RAD21L1: variants seen among roughly 807,000 people sequenced by gnomAD.
RAD21L1 encodes double-strand-break repair protein rad21-like protein 1.
In RAD21L1, 47 loss-of-function variants were observed where a neutral mutation model predicts 69.0. The observed-to-expected ratio is 0.68, with a 90% confidence interval of 0.54 to 0.87. The LOEUF (loss-of-function observed/expected upper bound fraction) is 0.87, where lower values mean the gene tolerates loss of function less well. RAD21L1 is among the 40% of genes least tolerant of loss of function. The pLI, the probability that RAD21L1 is intolerant of heterozygous loss-of-function variation, is 0.00. For missense variants in RAD21L1, 583 were observed against 647.6 expected, an observed-to-expected ratio of 0.90 and a Z score of 1.08; for synonymous variants, 177 against 205.8, an observed-to-expected ratio of 0.86 and a Z score of 1.20.
chr20:1,229,518 A>G (rs1196502004), intron 2 of RAD21L1, among the ~76,000 whole-genome samples: 2 of 152,224 alleles, frequency 1.3e-5, no homozygotes, highest in African/African-American at 4.8e-5. Context: ...CCGTCTCCAA[A>G]AAAACAATAA....
chr20:1,245,073 G>A (rs1318870925), intron 11 of RAD21L1, among the ~76,000 whole-genome samples: 1 of 152,106 alleles, frequency 6.6e-6, no homozygotes, highest in Non-Finnish European at 1.5e-5. Context: ...TTTTTTGGAA[G>A]GAAAATACAA....
At chr20:1,228,366 T>G in intron 1 of RAD21L1, 56 bp from the exon 2 acceptor site, 1 of 829,592 alleles carries the variant, frequency 1.2e-6, no homozygotes, top group Non-Finnish European at 1.7e-6. Context: ...ATTTTTCTTA[T>G]AGCAATAAAA....
In RAD21L1 at chr20:1,254,507, A is replaced by C. The variant is rs774453952; in HGVS notation, c.*50A>C. On this transcript the variant is annotated 3_prime_UTR_variant, in exon 14 of 14. Coordinates refer to ENST00000683101, the MANE Select transcript of RAD21L1 (RefSeq NM_001384355.1). Reference sequence around the variant, plus strand: ...TGGCATCACTGGAATTTCTGTGTAGATTGTTCAATTTAATGCAGAAGCCAT... The same window carrying C: ...TGGCATCACTGGAATTTCTGTGTAGCTTGTTCAATTTAATGCAGAAGCCAT... The C allele has an allele frequency of 3.7e-6, 5 of 1,341,648 alleles. No homozygotes were observed. Among genetic ancestry groups the C allele is most frequent in the Non-Finnish European group, 5.0e-6 (5 of 1,003,196 alleles). The allele number at this position is 1,341,648 out of a possible 1,614,324, so 83.1% of individuals were successfully genotyped here.
Position 1,228,503 on chromosome 20 carries a change from T to C in RAD21L1, c.50T>C (p.Ile17Thr). The C allele has an allele frequency of 2.6e-6, 4 of 1,550,266 alleles. No homozygotes were observed. The highest frequency in any genetic ancestry group is 2.4e-5 in the South Asian group (2 of 83,910). The change falls in exon 2 of 14, where the codon ATA becomes ACA. Residue 17 changes from isoleucine (I) to threonine (T), a missense_variant. Transcript: ENST00000683101. ...LMSKRGPLAK[I>T]WLAAHWEKKL... ...AGTAAACGAGGGCCATTGGCCAAAA[T>C]ATGGCTTGCAGCTCACTGGGAGAAG...
intron 1 of RAD21L1, among the ~76,000 whole-genome samples, chr20:1,227,190 C>T (rs1399188037): frequency 1.3e-5 from 2 of 152,232 alleles, no homozygotes; most frequent in African/African-American, 4.8e-5. Flanking sequence ...GGATTACAGG[C>T]GTGAGCCACT....
chr20:1,228,668 T>C (rs1455339965), intron 2 of RAD21L1, 71 bp downstream of exon 2: 1 of 1,062,578 alleles, frequency 9.4e-7, no homozygotes, highest in Non-Finnish European at 1.3e-6. Flanking sequence ...TAAGATACAC[T>C]TATATCATGA....
intron 1 of RAD21L1, 137 bp downstream of exon 1, chr20:1,226,277 G>C (rs1292963826): frequency 1.3e-5 from 2 of 152,006 alleles, no homozygotes; most frequent in Non-Finnish European, 2.9e-5. Context: ...CGCCAAGCCC[G>C]GAGGGTCCCG....
At chr20:1,253,428 C>T (rs973303806) in intron 13 of RAD21L1, among the ~76,000 whole-genome samples, 1 of 152,184 alleles carries the variant, frequency 6.6e-6, no homozygotes, top group Admixed American at 6.5e-5. Flanking sequence ...TCCCGAATAG[C>T]TGGGATTAGA....
chr20:1,227,749 C>T (rs1301958031), intron 1 of RAD21L1, among the ~76,000 whole-genome samples: 1 of 152,118 alleles, frequency 6.6e-6, no homozygotes, highest in African/African-American at 2.4e-5. Flanking sequence ...TTTCTTTTAT[C>T]GTTCTTATTT....
Position 1,229,984 on chromosome 20 carries a change from TAAAATG to T in RAD21L1, c.252_257del (p.Lys86_Met87del), listed in dbSNP as rs2087357067. 1 of 1,550,200 alleles carries T rather than the reference TAAAATG, an allele frequency of 6.5e-7. No individual in the cohort carries two copies. Among genetic ancestry groups the T allele is most frequent in the Admixed American group, 2.0e-5 (1 of 50,964 alleles). ...TGGCAGATTGCAGTGAAGCATTTCTTAAAATGAAGATGACATTTTGCCCAGGTATAC... is the reference window on the plus strand; with the variant it reads ...TGGCAGATTGCAGTGAAGCATTTCTTAAGATGACATTTTGCCCAGGTATAC... On this transcript the variant is annotated inframe_deletion, in exon 3 of 14. Coordinates refer to ENST00000683101, the MANE Select transcript of RAD21L1 (RefSeq NM_001384355.1).
In RAD21L1 at chr20:1,254,293, TC is replaced by T; in HGVS notation, c.1506del (p.Phe503LeufsTer3). 6.5e-7 allele frequency: 1 copy of T among 1,537,440 alleles called. No individual in the cohort carries two copies. Among genetic ancestry groups the T allele is most frequent in the Non-Finnish European group, 8.8e-7 (1 of 1,139,164 alleles). On this transcript the variant is annotated frameshift_variant, in exon 14 of 14. Transcript: ENST00000683101. LOFTEE classifies it high-confidence loss of function. ...LRESNKMGMQ[S>X]FSLMKLCRNS... is the part of the protein sequence containing the mutation. ...GGAATCTAACAAGATGGGAATGCAGTCCTTTAGTCTGATGAAGCTCTGTAGA... is the reference window on the plus strand; with the variant it reads ...GGAATCTAACAAGATGGGAATGCAGTCTTTAGTCTGATGAAGCTCTGTAGA...
chr20:1,249,385 G>C (rs1315662034), intron 13 of RAD21L1, among the ~76,000 whole-genome samples: 3 of 152,114 alleles, frequency 2.0e-5, no homozygotes, highest in African/African-American at 7.2e-5. Flanking sequence ...TATGATGCAG[G>C]TTTGATTGCG....
At chr20:1,240,959 T>C (rs928436512) in intron 8 of RAD21L1, among the ~76,000 whole-genome samples, 3 of 152,202 alleles carry the variant, frequency 2.0e-5, no homozygotes, top group Non-Finnish European at 4.4e-5. Context: ...ACACTGCCTA[T>C]TCAATAAAGC....
At chr20:1,244,291 TG>T (rs1259099799) in intron 11 of RAD21L1, 121 bp downstream of exon 11, 2 of 729,302 alleles carry the variant, frequency 2.7e-6, no homozygotes, top group East Asian at 3.0e-5. Context: ...TAAATTGTTT[TG>T]CAATTTGTTT....
chr20:1,235,386 G>T lies in RAD21L1; in HGVS notation c.475+1195G>T, dbSNP rs535386701. ...GCTGTGTTTCTCAGCCTGTGGTGAA[G>T]GACCAGTTTTCTAATATTTGTCCAT... On this transcript the variant is annotated intron_variant, in intron 5 of 13. Coordinates refer to ENST00000683101, the MANE Select transcript of RAD21L1 (RefSeq NM_001384355.1). Among the ~76,000 whole-genome samples, 7 of 152,004 alleles carry T rather than the reference G, an allele frequency of 4.6e-5. No individual in the cohort carries two copies. In the South Asian group the frequency reaches 1.5e-3, roughly 32 times the overall value.
intron 10 of RAD21L1, among the ~76,000 whole-genome samples, 158 bp downstream of exon 10, chr20:1,243,354 G>A (rs2087656150): frequency 6.6e-6 from 1 of 151,984 alleles, no homozygotes; most frequent in Admixed American, 6.6e-5. Flanking sequence ...TTATTACCTC[G>A]GTATTGCATT....
chr20:1,233,076 T>C (rs1464204243), intron 4 of RAD21L1, among the ~76,000 whole-genome samples: 1 of 152,204 alleles, frequency 6.6e-6, no homozygotes, highest in Non-Finnish European at 1.5e-5. Context: ...CTTCACATCC[T>C]CCAGGACTGT....
chr20:1,245,058 T>G (rs2087692130), intron 11 of RAD21L1, among the ~76,000 whole-genome samples: 1 of 152,214 alleles, frequency 6.6e-6, no homozygotes, highest in South Asian at 2.1e-4. Flanking sequence ...CTGTTTAGTT[T>G]ATGATTTTTT....
Position 1,240,362 on chromosome 20 carries a change from GA to G in RAD21L1, c.790del (p.Met264Ter). On this transcript the variant is annotated frameshift_variant, in exon 8 of 14. Transcript: ENST00000683101. LOFTEE classifies it high-confidence loss of function. Reference sequence around the variant, plus strand: ...AGAGTGTATATGTGTACCTGAAAATGAAAAAATGAATGAAACAATATTATTA... The same window carrying G: ...AGAGTGTATATGTGTACCTGAAAATGAAAAATGAATGAAACAATATTATTA... ...NSECICVPEN[E>X]KMNETILLST... The G allele has an allele frequency of 6.5e-7, 1 of 1,548,866 alleles. No individual in the cohort carries two copies. The highest frequency in any genetic ancestry group is 8.7e-7 in the Non-Finnish European group (1 of 1,145,810).
Sources: gnomAD v4.1 joint callset for allele counts (sites outside exome capture counted in the v4.1 genomes callset) on GRCh38, gnomAD v4.1.1 for gene constraint, MANE v1.5 for transcripts, NCBI Gene and HGNC (gene_info 2026-07-23, HGNC 2026-07-21) for gene names.